The following RRP9 variants were observed in gnomAD, a reference collection of about 807,000 sequenced individuals.
RRP9 encodes the protein U3 small nucleolar RNA-interacting protein 2.
Under a neutral mutation model 65.5 loss-of-function variants are expected in RRP9, and 35 were observed. That is an observed-to-expected ratio of 0.53 (90% CI 0.41 to 0.71). The LOEUF is 0.71. RRP9 is among the 30% of genes least tolerant of loss of function. The probability of loss-of-function intolerance (pLI) is 0.00; values close to 1 mark genes in which losing one functional copy is unlikely to be tolerated. For missense variants in RRP9, 533 were observed against 633.6 expected, an observed-to-expected ratio of 0.84 and a Z score of 1.70; for synonymous variants, 254 against 245.0, an observed-to-expected ratio of 1.04 and a Z score of -0.34.
At position 51,934,237 on chromosome 3, in the gene RRP9, A is replaced by C. The variant is rs1699425102; in HGVS notation, c.1260+235T>G. On this transcript the variant is annotated intron_variant, in intron 13 of 14. Coordinates refer to ENST00000232888, the MANE Select transcript of RRP9 (RefSeq NM_004704.5). This position sits in a 1 kb window ranked among gnomAD's most constrained non-coding sequence, Gnocchi z 4.1. ...GAATTCATCACAGGGCCAGGCCTCC[A>C]TGCCTCTCCCCATGCTGCTCCCTGA... Among the ~76,000 whole-genome samples the C allele has an allele frequency of 1.3e-5, 2 of 152,018 alleles. No individual in the cohort carries two copies. The highest frequency in any genetic ancestry group is 2.4e-5 in the African/African-American group (1 of 41,368).
chr3:51,935,713 G>A, intron 8 of RRP9, 21 bp from the exon 9 acceptor site: 1 of 1,592,994 alleles, frequency 6.3e-7, no homozygotes, highest in Non-Finnish European at 8.6e-7. Context: ...ATGGGGAGAG[G>A]GCAAAGGGGA....
At chr3:51,941,560 C>CCCG (rs1553715554) in intron 1 of RRP9, 69 bp from the exon 2 acceptor site, 1 of 1,415,236 alleles carries the variant, frequency 7.1e-7, no homozygotes, top group African/African-American at 1.4e-5. Context: ...AGGGCCCCCC[C>CCCG]CCCTCGGTTC....
chr3:51,935,765 G>A, intron 8 of RRP9, 73 bp from the exon 9 acceptor site: 1 of 1,318,606 alleles, frequency 7.6e-7, no homozygotes, highest in South Asian at 1.2e-5. Flanking sequence ...GCCCAGGGAG[G>A]ACTTCCCAAA....
At position 51,934,362 on chromosome 3, in the gene RRP9, C is replaced by T; in HGVS notation, c.1260+110G>A. On this transcript the variant is annotated intron_variant, in intron 13 of 14. Coordinates refer to ENST00000232888, the MANE Select transcript of RRP9 (RefSeq NM_004704.5). This position sits in a 1 kb window ranked among gnomAD's most constrained non-coding sequence, Gnocchi z 4.1. ...CCAGGCCCTGTGCTAGGAGCTGGCC[C>T]TGCCCTGAGAAGGTTCCCTTCTGGC... is the stretch of plus-strand genomic sequence containing the variant. 8.6e-7 allele frequency: 1 copy of T among 1,164,454 alleles called. No homozygotes were observed. Among genetic ancestry groups the T allele is most frequent in the South Asian group, 1.5e-5 (1 of 64,900 alleles). 72.1% of individuals were successfully genotyped at this position (1,164,454 alleles called of 1,614,324 possible). A position where few individuals can be genotyped will look rare whatever the true frequency, so the allele number is the denominator to read the frequency against.
intron 2 of RRP9, 27 bp from the exon 3 acceptor site, chr3:51,938,231 A>T: frequency 6.6e-7 from 1 of 1,510,058 alleles, no homozygotes; most frequent in Non-Finnish European, 8.9e-7. Flanking sequence ...GCTGGGTCTG[A>T]GGGGCTCACC....
rs768199372 is a variant in RRP9, at chr3:51,934,669, G to A, written c.1142C>T (p.Ser381Leu). 8.7e-6 allele frequency: 14 copies of A among 1,614,020 alleles called. No homozygotes were observed. Among genetic ancestry groups the A allele is most frequent in the African/African-American group, 5.3e-5 (4 of 74,904 alleles). ...PGLEQPFWIS[S>L]VAALLNTDLV... ...GTCTGTGTTGAGGAGGGCTGCCACC[G>A]ACGATATCCAGAAGGGCTGCTCCAG... The change falls in exon 12 of 15, where the codon TCG becomes TTG. Residue 381 changes from serine (S) to leucine (L), a missense_variant. Transcript: ENST00000232888. This position sits in a 1 kb window ranked among gnomAD's most constrained non-coding sequence, Gnocchi z 4.1.
At position 51,937,055 on chromosome 3, in the gene RRP9, G is replaced by A; in HGVS notation, c.517+137C>T. 1 of 1,057,038 alleles carries A rather than the reference G, an allele frequency of 9.5e-7. No homozygotes were observed. The highest frequency in any genetic ancestry group is 1.4e-6 in the Non-Finnish European group (1 of 723,544). 65.5% of individuals were successfully genotyped at this position (1,057,038 alleles called of 1,614,324 possible). ...AGCAGCTTTCACTGTCACCCAGAGA[G>A]CACTCCTAGGGCAGCAAACCTGCCT... On this transcript the variant is annotated intron_variant, in intron 6 of 14. Coordinates refer to ENST00000232888, the MANE Select transcript of RRP9 (RefSeq NM_004704.5). The surrounding 1 kb of genome is among the most constrained non-coding windows in gnomAD (Gnocchi z 5.0).
chr3:51,939,762 A>C (rs1321685593), intron 2 of RRP9, among the ~76,000 whole-genome samples: 1 of 152,252 alleles, frequency 6.6e-6, no homozygotes, highest in Non-Finnish European at 1.5e-5. Context: ...AGTTTCTGCA[A>C]ATGTTCTAGT....
intron 1 of RRP9, 105 bp from the exon 2 acceptor site, chr3:51,941,596 G>C (rs886974309): frequency 8.2e-7 from 1 of 1,223,964 alleles, no homozygotes; most frequent in African/African-American, 1.5e-5. Context: ...AATGGGGAAG[G>C]CGGTGGTTCC....
rs1267914509 is a variant in RRP9, at chr3:51,937,092, C to T, written c.517+100G>A. On this transcript the variant is annotated intron_variant, in intron 6 of 14. Transcript: ENST00000232888. The surrounding 1 kb of genome is among the most constrained non-coding windows in gnomAD (Gnocchi z 5.0). ...CAGCAAACCTGCCTCCAGAGACTTC[C>T]CCACTTCAGGGCTCAGCCTGCCATG... 6.8e-6 allele frequency: 10 copies of T among 1,468,946 alleles called. No individual in the cohort carries two copies. Among genetic ancestry groups the T allele is most frequent in the Middle Eastern group, 2.5e-4 (1 of 3,994 alleles). 91.0% of individuals were successfully genotyped at this position (1,468,946 alleles called of 1,614,324 possible). A position where few individuals can be genotyped will look rare whatever the true frequency, so the allele number is the denominator to read the frequency against.
intron 2 of RRP9, among the ~76,000 whole-genome samples, chr3:51,939,953 G>A (rs115210290): frequency 0.017 from 2,633 of 152,228 alleles, 90 homozygotes; most frequent in African/African-American, 0.058. Context: ...AATAACCTTC[G>A]GATTAAGAAA....
intron 6 of RRP9, among the ~76,000 whole-genome samples, chr3:51,936,887 G>A (rs530415929): frequency 3.3e-5 from 5 of 152,322 alleles, no homozygotes; most frequent in South Asian, 2.1e-4. Context: ...CAGGAGGACC[G>A]GGCACTCAAT....
At position 51,935,612 on chromosome 3, in the gene RRP9, C is replaced by T. The variant is rs1699449333; in HGVS notation, c.816G>A (p.Glu272=). Residue 272 remains glutamate (E), a synonymous_variant, in exon 9 of 15, where the codon GAG becomes GAA. Transcript: ENST00000232888. ...DRSVKVWNVA[E]NSYVETLFGH... ...CTCACAGCGTCTCCACGTAGGAGTT[C>T]TCTGCCACATTCCACACCTTCACGG... 6.2e-7 allele frequency: 1 copy of T among 1,614,224 alleles called. No individual in the cohort carries two copies. The highest frequency in any genetic ancestry group is 1.3e-5 in the African/African-American group (1 of 75,070).
rs1454832023 is a variant in RRP9, at chr3:51,936,463, A to G, written c.610T>C (p.Cys204Arg). The change falls in exon 7 of 15, where the codon TGC (cysteine) becomes CGC (arginine). Residue 204 changes from cysteine to arginine, a missense_variant. Around this residue, in one of 3 missense-constraint regions of RRP9, gnomAD observed 449 missense variants for 550.6 expected, o/e 0.82. Coordinates refer to ENST00000232888, the MANE Select transcript of RRP9 (RefSeq NM_004704.5). ...KPPGHSSHVLCMAISSDGKYL... is the reference protein window; with the variant it reads ...KPPGHSSHVLRMAISSDGKYL... ...TTGCCGTCGGAGGAGATGGCCATGC[A>G]GAGGACGTGGCTGCTGTGGCCAGGG... 6.2e-7 allele frequency: 1 copy of G among 1,614,116 alleles called. No homozygotes were observed. Among genetic ancestry groups the G allele is most frequent in the Non-Finnish European group, 8.5e-7 (1 of 1,180,056 alleles).
chr3:51,937,762 A>G lies in RRP9; in HGVS notation c.281-26T>C, dbSNP rs763465964. ...CTGTGCAGGACAGACCAGACCAAGTAAACTGAGGCTGAGACCCCTCTTTCC... is the reference window on the plus strand; with the variant it reads ...CTGTGCAGGACAGACCAGACCAAGTGAACTGAGGCTGAGACCCCTCTTTCC... On this transcript the variant is annotated intron_variant, in intron 3 of 14. Transcript: ENST00000232888. This position sits in a 1 kb window ranked among gnomAD's most constrained non-coding sequence, Gnocchi z 5.0. 1.9e-6 allele frequency: 3 copies of G among 1,613,020 alleles called. No individual in the cohort carries two copies. Among genetic ancestry groups the G allele is most frequent in the East Asian group, 2.2e-5 (1 of 44,850 alleles).
rs776114603 is a variant in RRP9 at position 51,935,228 on chromosome 3, C to G, written c.1003G>C (p.Glu335Gln). 6.2e-7 allele frequency: 1 copy of G among 1,614,196 alleles called. No homozygotes were observed. The highest frequency in any genetic ancestry group is 2.2e-5 in the East Asian group (1 of 44,878). ...TCCGCGCCGGACACCATGTGCTCCT[C>G]ATTGATTAGGTGGATGCAGTCGATG... Reference protein sequence around the residue: ...GSIDCIHLINEEHMVSGADDG... With the variant: ...GSIDCIHLINQEHMVSGADDG... Residue 335 changes from glutamate (E) to glutamine (Q), a missense_variant, in exon 11 of 15, where the codon GAG (glutamate) becomes CAG (glutamine). By Grantham distance (29) the Glu-to-Gln change is conservative. Coordinates refer to ENST00000232888, the MANE Select transcript of RRP9 (RefSeq NM_004704.5).
Position 51,939,948 on chromosome 3 carries a change from C to A in RRP9, c.170+1461G>T, listed in dbSNP as rs146432768. On this transcript the variant is annotated intron_variant, in intron 2 of 14. Coordinates refer to ENST00000232888, the MANE Select transcript of RRP9 (RefSeq NM_004704.5). ...CCTGGCACACACTCACCCACAATAA[C>A]CTTCGGATTAAGAAAAGTACATTAA... is the stretch of plus-strand genomic sequence containing the variant. Among the ~76,000 whole-genome samples, 1,365 of 152,302 alleles carry A rather than the reference C, an allele frequency of 9.0e-3. 12 individuals carry two copies. The highest frequency in any genetic ancestry group is 0.015 in the Non-Finnish European group (1,021 of 68,024).
chr3:51,937,485 T>C lies in RRP9; in HGVS notation c.390+60A>G, dbSNP rs1699472254. Reference sequence around the variant, plus strand: ...ACCAGATAGGCCCAAGTGTCCACCATGTTCCAAGTGGGGCCCCCAATTCCC... The same window carrying C: ...ACCAGATAGGCCCAAGTGTCCACCACGTTCCAAGTGGGGCCCCCAATTCCC... On this transcript the variant is annotated intron_variant, in intron 5 of 14. Transcript: ENST00000232888. The surrounding 1 kb of genome is among the most constrained non-coding windows in gnomAD (Gnocchi z 5.0). 3 of 1,610,508 alleles carry C rather than the reference T, an allele frequency of 1.9e-6. No homozygotes were observed. The highest frequency in any genetic ancestry group is 2.5e-6 in the Non-Finnish European group (3 of 1,176,742).
At chr3:51,938,382 C>T (rs1699482384) in intron 2 of RRP9, among the ~76,000 whole-genome samples, 178 bp from the exon 3 acceptor site, 1 of 152,176 alleles carries the variant, frequency 6.6e-6, no homozygotes, top group East Asian at 1.9e-4. Flanking sequence ...AAAGGCCCCA[C>T]TCAGTGCCCC....
Sources: gnomAD v4.1 joint callset for allele counts (sites outside exome capture counted in the v4.1 genomes callset) on GRCh38, gnomAD v4.1.1 for gene constraint, gnomAD v4.1.1 regional missense constraint, Gnocchi (gnomAD v3.1) non-coding constraint, MANE v1.5 for transcripts, NCBI Gene and HGNC (gene_info 2026-07-23, HGNC 2026-07-21) for gene names.